ATG101: variants seen among roughly 807,000 people sequenced by gnomAD.
ATG101 encodes autophagy related 101.
ATG101 carries 6 observed loss-of-function variants against 16.7 expected under a neutral mutation model. The ratio of observed to expected loss-of-function variants is 0.36; its 90% CI spans 0.20 to 0.71. The LOEUF is 0.71. Among genes scored for constraint, ATG101 ranks in the 30% least tolerant of loss-of-function variants. The pLI, the probability that ATG101 is intolerant of heterozygous loss-of-function variation, is 0.57. For missense variants in ATG101, 200 were observed against 292.5 expected (o/e 0.68, Z 2.31); for synonymous variants, 108 against 118.1 (o/e 0.91, Z 0.56).
At chr12:52,067,347 G>T (rs943596214), upstream of ATG101, among the ~76,000 whole-genome samples, 2 of 152,188 alleles carry the variant, frequency 1.3e-5, no homozygotes, top group African/African-American at 4.8e-5. Context: ...GATAGGAAAT[G>T]GGCAAATGCT....
chr12:52,072,719 T>C (rs981233758), intron 2 of ATG101, among the ~76,000 whole-genome samples: 11 of 152,090 alleles, frequency 7.2e-5, no homozygotes, highest in African/African-American at 2.7e-4. Context: ...AGCCATTCTT[T>C]GCCCTTTAGC....
rs1183451728 is a variant in ATG101, at chr12:52,070,161, G to C, written c.-288G>C. ...GAACGCGGGCGCTCCTCCAGCTTCC[G>C]AGTCCAGCCAGCCTGGGCGCGGGGC... On this transcript the variant is annotated 5_prime_UTR_variant, in exon 1 of 4. Transcript: ENST00000336854. 1 of 152,474 alleles carries C rather than the reference G, an allele frequency of 6.6e-6. No individual in the cohort carries two copies. Among genetic ancestry groups the C allele is most frequent in the Non-Finnish European group, 1.5e-5 (1 of 68,278 alleles). 9.4% of individuals were successfully genotyped at this position (152,474 alleles called of 1,614,324 possible).
In ATG101 at chr12:52,070,023, G is replaced by A. The variant is rs545029433; in HGVS notation, c.-426G>A. ...GACCCAGGTGGTCTGGAGCCTGCCG[G>A]GAGAGTGGTGGCATCTGAGAGGCTG... On this transcript the variant is annotated 5_prime_UTR_variant, in exon 1 of 4. Transcript: ENST00000336854. The A allele has an allele frequency of 5.9e-5, 9 of 152,570 alleles. No individual in the cohort carries two copies. Among genetic ancestry groups the A allele is most frequent in the African/African-American group, 2.2e-4 (9 of 41,586 alleles). The allele number at this position is 152,570 out of a possible 1,614,324, so 9.5% of individuals were successfully genotyped here. A position where few individuals can be genotyped will look rare whatever the true frequency, so the allele number is the denominator to read the frequency against.
intron 3 of ATG101, among the ~76,000 whole-genome samples, 174 bp downstream of exon 3, chr12:52,074,076 G>A (rs1218850911): frequency 2.8e-5 from 4 of 143,674 alleles, no homozygotes; most frequent in Non-Finnish European, 6.1e-5. Context: ...TTCAGGGGAG[G>A]GCGCGCGGGC....
intron 2 of ATG101, among the ~76,000 whole-genome samples, chr12:52,072,838 T>C (rs1939671733): frequency 6.6e-6 from 1 of 152,130 alleles, no homozygotes; most frequent in Non-Finnish European, 1.5e-5. Flanking sequence ...AGTGGCATGA[T>C]CTCAGCTCAC....
chr12:52,075,499 C>T (rs1431631078), intron 3 of ATG101, among the ~76,000 whole-genome samples: 1 of 152,242 alleles, frequency 6.6e-6, no homozygotes, highest in Non-Finnish European at 1.5e-5. Flanking sequence ...ACACAGTAAA[C>T]ATTACAGATG....
rs1939751345 is a variant in ATG101 at position 52,077,394 on chromosome 12, C to T, written c.*204C>T. 2 of 628,170 alleles carry T rather than the reference C, an allele frequency of 3.2e-6. No individual in the cohort carries two copies. Among genetic ancestry groups the T allele is most frequent in the African/African-American group, 3.7e-5 (2 of 54,408 alleles). The allele number at this position is 628,170 out of a possible 1,614,324, so 38.9% of individuals were successfully genotyped here. A position where few individuals can be genotyped will look rare whatever the true frequency, so the allele number is the denominator to read the frequency against. ...TGCTGACGGTTCAGTCCTGCCTCTA[C>T]TGTCTCTCCATAGCCCTGGTGGGGT... On this transcript the variant is annotated 3_prime_UTR_variant, in exon 4 of 4. Transcript: ENST00000336854.
chr12:52,076,725 C>A, intron 3 of ATG101, 61 bp from the exon 4 acceptor site: 1 of 1,553,656 alleles, frequency 6.4e-7, no homozygotes, highest in Non-Finnish European at 8.8e-7. Flanking sequence ...GTGTGGGAAG[C>A]AGGCCCTCAC....
chr12:52,075,447 T>C (rs1939717221), intron 3 of ATG101, among the ~76,000 whole-genome samples: 1 of 152,238 alleles, frequency 6.6e-6, no homozygotes, highest in African/African-American at 2.4e-5. Context: ...CTGCAAGGAC[T>C]GAATAAGTCA....
Position 52,073,905 on chromosome 12 carries a change from A to G in ATG101, c.252+3A>G, listed in dbSNP as rs1455943720. The G allele has an allele frequency of 6.9e-6, 10 of 1,447,684 alleles. No homozygotes were observed. The South Asian group carries it at 1.1e-4, about 16-fold the overall frequency. The allele number at this position is 1,447,684 out of a possible 1,614,324, so 89.7% of individuals were successfully genotyped here. On this transcript the variant is annotated splice_donor_region_variant and intron_variant, in intron 3 of 3. Coordinates refer to ENST00000336854, the MANE Select transcript of ATG101 (RefSeq NM_021934.5). ...GCAAGGTTGTTGGGGAGTTCAAGGT[A>G]AGGGTGTCGGGGAGTTCAAGGTAAG... is the stretch of plus-strand genomic sequence containing the variant.
In ATG101 at chr12:52,073,917, G is replaced by C; in HGVS notation, c.252+15G>C. On this transcript the variant is annotated intron_variant, in intron 3 of 3. Coordinates refer to ENST00000336854, the MANE Select transcript of ATG101 (RefSeq NM_021934.5). ...GGGAGTTCAAGGTAAGGGTGTCGGG[G>C]AGTTCAAGGTAAGGGTGTGGCATAG... 6.8e-7 allele frequency: 1 copy of C among 1,481,262 alleles called. No individual in the cohort carries two copies. The highest frequency in any genetic ancestry group is 9.2e-7 in the Non-Finnish European group (1 of 1,083,222). The allele number at this position is 1,481,262 out of a possible 1,614,324, so 91.8% of individuals were successfully genotyped here.
intron 3 of ATG101, among the ~76,000 whole-genome samples, chr12:52,074,585 C>T (rs974971933): frequency 1.3e-5 from 2 of 151,592 alleles, no homozygotes; most frequent in East Asian, 1.9e-4. Flanking sequence ...CTCCTGGGCT[C>T]GAGCAGTCCT....
At position 52,076,974 on chromosome 12, in the gene ATG101, ACT is replaced by A. The variant is rs1939741896; in HGVS notation, c.444_445del (p.Cys149ArgfsTer14). The A allele has an allele frequency of 6.2e-7, 1 of 1,613,956 alleles. No individual in the cohort carries two copies. The highest frequency in any genetic ancestry group is 8.5e-7 in the Non-Finnish European group (1 of 1,179,992). On this transcript the variant is annotated frameshift_variant, in exon 4 of 4. Coordinates refer to ENST00000336854, the MANE Select transcript of ATG101 (RefSeq NM_021934.5). LOFTEE classifies it high-confidence loss of function. ...QICREKVGEK[L>X]CEKIINIVEV... ...TCTGCCGGGAGAAGGTGGGTGAGAA[ACT>A]CTGCGAGAAGATCATCAACATCGTG...
chr12:52,071,588 G>A (rs933918123), intron 2 of ATG101, among the ~76,000 whole-genome samples: 1 of 152,122 alleles, frequency 6.6e-6, no homozygotes, highest in African/African-American at 2.4e-5. Context: ...AGGCCGAGGC[G>A]GGTGGATCTC....
At position 52,077,492 on chromosome 12, in the gene ATG101, C is replaced by G. The variant is rs1270559627; in HGVS notation, c.*302C>G. On this transcript the variant is annotated 3_prime_UTR_variant, in exon 4 of 4. Coordinates refer to ENST00000336854, the MANE Select transcript of ATG101 (RefSeq NM_021934.5). ...ATAAAGTTGAGAACATGAGTTTGGG[C>G]TGAGCCATCTCTCCCTTGTCTTGTG... The G allele has an allele frequency of 2.3e-5, 8 of 345,714 alleles. No homozygotes were observed. Among genetic ancestry groups the G allele is most frequent in the South Asian group, 2.0e-4 (4 of 19,604 alleles). 21.4% of individuals were successfully genotyped at this position (345,714 alleles called of 1,614,324 possible).
At chr12:52,074,916 G>A (rs1173140442) in intron 3 of ATG101, among the ~76,000 whole-genome samples, 1 of 152,146 alleles carries the variant, frequency 6.6e-6, no homozygotes, top group East Asian at 1.9e-4. Flanking sequence ...CCATGATCAC[G>A]CTACTGTACT....
chr12:52,073,141 AG>A (rs1469133047), intron 2 of ATG101, among the ~76,000 whole-genome samples: 19 of 152,278 alleles, frequency 1.2e-4, no homozygotes, highest in Admixed American at 7.2e-4. Flanking sequence ...TTTAGGACAG[AG>A]TCCAAATGCC....
upstream of ATG101, among the ~76,000 whole-genome samples, chr12:52,068,004 T>C (rs1939564582): frequency 6.6e-6 from 1 of 151,998 alleles, no homozygotes; most frequent in Non-Finnish European, 1.5e-5. Flanking sequence ...ATAAATGTTA[T>C]CTATTATCGT....
rs977541560 is a variant in ATG101, at chr12:52,070,065, G to A, written c.-384G>A. 1 of 152,382 alleles carries A rather than the reference G, an allele frequency of 6.6e-6. No homozygotes were observed. The highest frequency in any genetic ancestry group is 2.4e-5 in the African/African-American group (1 of 41,448). 9.4% of individuals were successfully genotyped at this position (152,382 alleles called of 1,614,324 possible). On this transcript the variant is annotated 5_prime_UTR_variant, in exon 1 of 4. Coordinates refer to ENST00000336854, the MANE Select transcript of ATG101 (RefSeq NM_021934.5). Reference sequence around the variant, plus strand: ...GAGAGGCTGGTCGTGGACTGTGGTTGGGGGAGGTGGGAGCTGTTTTAACCG... The same window carrying A: ...GAGAGGCTGGTCGTGGACTGTGGTTAGGGGAGGTGGGAGCTGTTTTAACCG...
Sources: gnomAD v4.1 joint callset for allele counts (sites outside exome capture counted in the v4.1 genomes callset) on GRCh38, gnomAD v4.1.1 for gene constraint, MANE v1.5 for transcripts, NCBI Gene and HGNC (gene_info 2026-07-23, HGNC 2026-07-21) for gene names.